Variants in PTPRA observed in about 807,000 individuals in gnomAD.
PTPRA encodes the protein protein tyrosine phosphatase receptor type A.
In PTPRA, 25 loss-of-function variants were observed where a neutral mutation model predicts 104.8. The observed-to-expected ratio is 0.24, with a 90% confidence interval of 0.17 to 0.33. PTPRA has a LOEUF of 0.33. Among genes scored for constraint, PTPRA ranks in the 10% least tolerant of loss-of-function variants. The pLI, the probability that PTPRA is intolerant of heterozygous loss-of-function variation, is 1.00. For synonymous variants in PTPRA, 323 were observed against 368.9 expected, an observed-to-expected ratio of 0.88 and a Z score of 1.43; for missense variants, 765 against 1,015.3, an observed-to-expected ratio of 0.75 and a Z score of 3.35.
Position 3,019,030 on chromosome 20 carries a change from G to A in PTPRA, c.1041+1117G>A, listed in dbSNP as rs1428299761. Reference sequence around the variant, plus strand: ...ACAGGGCAGCTGGCCGGGCGGGGGGGCTGACCCCCCCACCTCCCGGACGGG... The same window carrying A: ...ACAGGGCAGCTGGCCGGGCGGGGGGACTGACCCCCCCACCTCCCGGACGGG... On this transcript the variant is annotated intron_variant, in intron 13 of 23. Coordinates refer to ENST00000399903, the MANE Select transcript of PTPRA (RefSeq NM_001385305.1). 2.4e-5 allele frequency among the ~76,000 whole-genome samples: 3 copies of A among 124,916 alleles called. 1 individual carries two copies. Among genetic ancestry groups the A allele is most frequent in the African/African-American group, 6.1e-5 (2 of 32,702 alleles). The allele number at this position is 124,916 out of a possible 152,430, so 81.9% of individuals were successfully genotyped here.
In PTPRA at chr20:3,038,186, T is replaced by C; in HGVS notation, c.*53T>C. On this transcript the variant is annotated 3_prime_UTR_variant, in exon 24 of 24. Transcript: ENST00000399903. ...GGATTGCCTTTAATATTTTGTAATA[T>C]TCTGTTTTGTTAATATACCCCAAAT... 6.6e-7 allele frequency: 1 copy of C among 1,515,230 alleles called. No homozygotes were observed. Among genetic ancestry groups the C allele is most frequent in the East Asian group, 2.3e-5 (1 of 44,364 alleles). 93.9% of individuals were successfully genotyped at this position (1,515,230 alleles called of 1,614,324 possible). A position where few individuals can be genotyped will look rare whatever the true frequency, so the allele number is the denominator to read the frequency against.
chr20:2,935,338 G>T (rs2060652333), intron 2 of PTPRA, among the ~76,000 whole-genome samples: 1 of 151,974 alleles, frequency 6.6e-6, no homozygotes, highest in African/African-American at 2.4e-5. Flanking sequence ...TTTTTTTAAG[G>T]CTGAATAGTG....
At position 2,923,152 on chromosome 20, in the gene PTPRA, A is replaced by G. The variant is rs530437752; in HGVS notation, c.-128-55A>G. 3.5e-5 allele frequency: 27 copies of G among 772,136 alleles called. No individual in the cohort carries two copies. In the African/African-American group the frequency reaches 4.4e-4, roughly 13 times the overall value. The allele number at this position is 772,136 out of a possible 1,614,324, so 47.8% of individuals were successfully genotyped here. A position where few individuals can be genotyped will look rare whatever the true frequency, so the allele number is the denominator to read the frequency against. On this transcript the variant is annotated intron_variant, in intron 1 of 23. Coordinates refer to ENST00000399903, the MANE Select transcript of PTPRA (RefSeq NM_001385305.1). ...GCTGGGCTTGAATTCCTAAGCTAGA[A>G]CAATCTGCTCAGGGATGTTGTATAT...
chr20:2,981,673 A>G (rs1037414133), intron 6 of PTPRA, among the ~76,000 whole-genome samples: 1 of 152,174 alleles, frequency 6.6e-6, no homozygotes, highest in African/African-American at 2.4e-5. Context: ...CTGAGTCTAG[A>G]TGGGAAGCCC....
chr20:2,953,573 A>G (rs767988118), intron 3 of PTPRA, among the ~76,000 whole-genome samples: 2 of 151,198 alleles, frequency 1.3e-5, no homozygotes, highest in Non-Finnish European at 2.9e-5. Context: ...TTTAAACAAT[A>G]GCCATCCTAA....
intron 1 of PTPRA, among the ~76,000 whole-genome samples, chr20:2,899,580 G>C (rs1489559186): frequency 1.3e-5 from 2 of 152,028 alleles, no homozygotes; most frequent in Non-Finnish European, 2.9e-5. Flanking sequence ...CAAAAACACA[G>C]AGATGGTATG....
rs2062859488 is a variant in PTPRA, at chr20:2,985,477, T to A, written c.443-1288T>A. Among the ~76,000 whole-genome samples, 3 of 152,116 alleles carry A rather than the reference T, an allele frequency of 2.0e-5. No individual in the cohort carries two copies. The South Asian group carries it at 6.2e-4, about 32-fold the overall frequency. Reference sequence around the variant, plus strand: ...TCCCTTTTAGCAGGTAGGAAAATGGTGAAGATAGTTACCAAGCCACTCTGA... The same window carrying A: ...TCCCTTTTAGCAGGTAGGAAAATGGAGAAGATAGTTACCAAGCCACTCTGA... On this transcript the variant is annotated intron_variant, in intron 6 of 23. Transcript: ENST00000399903.
At chr20:2,896,321 G>T (rs1173497809) in intron 1 of PTPRA, among the ~76,000 whole-genome samples, 1 of 152,234 alleles carries the variant, frequency 6.6e-6, no homozygotes, top group Non-Finnish European at 1.5e-5. Flanking sequence ...GGAGGTTGCA[G>T]TGAGCCGAGA....
chr20:2,934,468 G>A (rs915079117), intron 2 of PTPRA, among the ~76,000 whole-genome samples: 1 of 151,834 alleles, frequency 6.6e-6, no homozygotes, highest in African/African-American at 2.4e-5. Context: ...CTGTACCATT[G>A]CCACATATTA....
intron 5 of PTPRA, among the ~76,000 whole-genome samples, chr20:2,970,807 T>C (rs759877526): frequency 8.3e-6 from 1 of 120,280 alleles, no homozygotes; most frequent in South Asian, 2.4e-4. Context: ...TATGGTTTCG[T>C]GTGTGTGTGT....
intron 1 of PTPRA, among the ~76,000 whole-genome samples, chr20:2,876,315 C>G (rs564367313): frequency 3.3e-5 from 5 of 152,276 alleles, no homozygotes; most frequent in African/African-American, 1.2e-4. Context: ...CCCTCCTACC[C>G]TGGCCCCAAG....
chr20:2,989,885 T>C (rs575780071), intron 9 of PTPRA, among the ~76,000 whole-genome samples: 7 of 151,990 alleles, frequency 4.6e-5, no homozygotes, highest in South Asian at 4.2e-4. Flanking sequence ...GGCATGGTGG[T>C]GGGCACCTAT....
At chr20:3,008,736 A>AC (rs1568693767) in intron 11 of PTPRA, among the ~76,000 whole-genome samples, 1 of 116,064 alleles carries the variant, frequency 8.6e-6, no homozygotes, top group Non-Finnish European at 1.6e-5. Flanking sequence ...ACTAAAAAAA[A>AC]AAAAAAAACA....
At chr20:2,974,239 C>A (rs895672381) in intron 5 of PTPRA, among the ~76,000 whole-genome samples, 2 of 151,924 alleles carry the variant, frequency 1.3e-5, no homozygotes, top group Non-Finnish European at 2.9e-5. Flanking sequence ...CAGGCGTGAG[C>A]CACCGCGCCC....
At chr20:2,877,482 C>T (rs989936746) in intron 1 of PTPRA, among the ~76,000 whole-genome samples, 1 of 152,208 alleles carries the variant, frequency 6.6e-6, no homozygotes, top group Non-Finnish European at 1.5e-5. Flanking sequence ...TGGTCTTGAA[C>T]TCCTGACCTC....
At chr20:2,898,507 C>T (rs1336020199) in intron 1 of PTPRA, among the ~76,000 whole-genome samples, 1 of 151,906 alleles carries the variant, frequency 6.6e-6, no homozygotes, top group African/African-American at 2.4e-5. Context: ...AGCCACCACG[C>T]CTGGTCATGT....
chr20:3,024,447 A>G, intron 16 of PTPRA, 25 bp from the exon 17 acceptor site: 2 of 1,606,296 alleles, frequency 1.2e-6, no homozygotes. Flanking sequence ...TGTAACCAAG[A>G]ACTTCTGTGT....
intron 2 of PTPRA, among the ~76,000 whole-genome samples, chr20:2,936,594 G>A (rs1180920319): frequency 6.6e-6 from 1 of 151,504 alleles, no homozygotes; most frequent in Non-Finnish European, 1.5e-5. Context: ...CTGAGTAGCT[G>A]GGATTACAGA....
At chr20:3,016,058 C>G (rs992866167) in intron 12 of PTPRA, among the ~76,000 whole-genome samples, 173 bp downstream of exon 12, 1 of 152,184 alleles carries the variant, frequency 6.6e-6, no homozygotes, top group African/African-American at 2.4e-5. Flanking sequence ...CAGCCTTCAT[C>G]TTGATGACTT....
Sources: gnomAD v4.1 joint callset for allele counts (sites outside exome capture counted in the v4.1 genomes callset) on GRCh38, gnomAD v4.1.1 for gene constraint, MANE v1.5 for transcripts, NCBI Gene and HGNC (gene_info 2026-07-23, HGNC 2026-07-21) for gene names.